AFF1: variants seen among roughly 807,000 people sequenced by gnomAD.
The protein encoded by AFF1 is ALF transcription elongation factor 1, also known as AF4/FMR2 family member 1.
AFF1 carries 48 observed loss-of-function variants against 121.7 expected under a neutral mutation model. The ratio of observed to expected loss-of-function variants is 0.39; its 90% CI spans 0.31 to 0.50. The LOEUF (loss-of-function observed/expected upper bound fraction) is 0.50. Ranked by LOEUF, AFF1 falls within the 20% of genes least tolerant of loss-of-function variation. AFF1 has a pLI of 0.76. For missense variants in AFF1, 1,523 were observed against 1,511.7 expected (o/e 1.01, Z -0.12); for synonymous variants, 613 against 563.0 (o/e 1.09, Z -1.26).
chr4:87,007,519 A>G (rs1463014311), intron 2 of AFF1: 4 of 1,530,000 alleles, frequency 2.6e-6, no homozygotes, highest in Non-Finnish European at 3.6e-6. Context: ...GGAGACGGAC[A>G]GGAAGCAGCT....
intron 1 of AFF1, among the ~76,000 whole-genome samples, chr4:86,940,744 A>G (rs1436369784): frequency 1.3e-5 from 2 of 152,098 alleles, no homozygotes; most frequent in Non-Finnish European, 2.9e-5. Flanking sequence ...TGCTCTTCAC[A>G]GGGAGATTTT....
chr4:87,036,140 A>G (rs753218418), intron 2 of AFF1, among the ~76,000 whole-genome samples: 1 of 152,174 alleles, frequency 6.6e-6, no homozygotes, highest in Non-Finnish European at 1.5e-5. Flanking sequence ...GGCCTTTACA[A>G]CTAAAGGGGA....
At chr4:86,982,875 A>AAAAAAAC (rs1723883637) in intron 2 of AFF1, among the ~76,000 whole-genome samples, 1 of 137,228 alleles carries the variant, frequency 7.3e-6, no homozygotes, top group African/African-American at 2.7e-5. Flanking sequence ...AAAAAAAAAA[A>AAAAAAAC]GGAAGCTTGT....
At chr4:87,087,982 T>C (rs1723906048) in intron 5 of AFF1, among the ~76,000 whole-genome samples, 1 of 152,268 alleles carries the variant, frequency 6.6e-6, no homozygotes, top group Non-Finnish European at 1.5e-5. Flanking sequence ...AACTGGACTT[T>C]TAATTAAAAG....
chr4:87,006,953 C>T, intron 2 of AFF1: 1 of 1,031,720 alleles, frequency 9.7e-7, no homozygotes, highest in African/African-American at 1.7e-5. Context: ...CAGGGGGTAT[C>T]CCGGCGGACT....
intron 4 of AFF1, among the ~76,000 whole-genome samples, chr4:87,054,482 A>G (rs926526880): frequency 6.6e-6 from 1 of 152,234 alleles, no homozygotes; most frequent in Non-Finnish European, 1.5e-5. Flanking sequence ...ATAAGGTAGA[A>G]GATTATGACA....
At chr4:86,998,111 A>AAAAAAAC (rs1725370944) in intron 2 of AFF1, among the ~76,000 whole-genome samples, 2 of 138,116 alleles carry the variant, frequency 1.4e-5, no homozygotes, top group South Asian at 2.1e-4. Flanking sequence ...AAAAAAAAAA[A>AAAAAAAC]AAAAAAAAAA....
chr4:87,127,003 G>A (rs777795332), intron 14 of AFF1, 23 bp from the exon 15 acceptor site: 25 of 1,594,196 alleles, frequency 1.6e-5, no homozygotes, highest in East Asian at 9.0e-5. Context: ...AGTGTAATCT[G>A]TATATTGATT....
At position 86,951,615 on chromosome 4, in the gene AFF1, C is replaced by CTTTTTTTTTTTTTTTTTTTTTTTTTTT. The variant is rs748093135; in HGVS notation, c.38+3051_38+3052insTTTTTTTTTTTTTTTTTTTTTTTTTTT. Among the ~76,000 whole-genome samples, 3 of 124,944 alleles carry CTTTTTTTTTTTTTTTTTTTTTTTTTTT rather than the reference C, an allele frequency of 2.4e-5. 1 individual carries two copies. The highest frequency in any genetic ancestry group is 1.7e-4 in the Admixed American group (2 of 11,592). The allele number at this position is 124,944 out of a possible 152,430, so 82.0% of individuals were successfully genotyped here. On this transcript the variant is annotated intron_variant, in intron 2 of 20. Transcript: ENST00000395146. ...GAACTTTTTTTTCTTTTTCTTTTTT[C>CTTTTTTTTTTTTTTTTTTTTTTTTTTT]TTTTTTTCTTTTTTTTTTTTTTTTT...
intron 2 of AFF1, among the ~76,000 whole-genome samples, chr4:87,043,824 TC>T (rs1730395251): frequency 1.0e-5 from 1 of 95,410 alleles, no homozygotes; most frequent in African/African-American, 1.1e-4. Flanking sequence ...TTTCTTTCTT[TC>T]TTTTTTTTTT....
intron 7 of AFF1, among the ~76,000 whole-genome samples, chr4:87,092,911 G>A (rs1267399889): frequency 6.6e-6 from 1 of 152,082 alleles, no homozygotes; most frequent in African/African-American, 2.4e-5. Flanking sequence ...AGGTCTGAAG[G>A]CAGAACACCA....
At chr4:87,100,677 T>C (rs1578249530) in intron 8 of AFF1, among the ~76,000 whole-genome samples, 1 of 152,308 alleles carries the variant, frequency 6.6e-6, no homozygotes, top group East Asian at 1.9e-4. Flanking sequence ...GCCTGGCACA[T>C]AGTAAGTGCT....
chr4:86,956,328 G>GA (rs1424774530), intron 2 of AFF1, among the ~76,000 whole-genome samples: 2 of 152,152 alleles, frequency 1.3e-5, no homozygotes, highest in African/African-American at 4.8e-5. Context: ...GAGAACTGAG[G>GA]AAATATTTTT....
intron 8 of AFF1, among the ~76,000 whole-genome samples, chr4:87,105,114 T>C (rs1319132760): frequency 1.3e-5 from 2 of 152,246 alleles, no homozygotes; most frequent in Admixed American, 6.5e-5. Flanking sequence ...TGTTGAACTT[T>C]TTATGTGCCT....
chr4:86,998,292 C>A (rs772471490), intron 2 of AFF1, among the ~76,000 whole-genome samples: 1 of 152,026 alleles, frequency 6.6e-6, no homozygotes, highest in Admixed American at 6.6e-5. Context: ...TGGAGACATG[C>A]AAACAAGCTA....
Position 87,115,219 on chromosome 4 carries a change from A to G in AFF1, c.2386A>G (p.Lys796Glu). ...GAGCCGCCAGAGGAAAGCAGAAGATAAACAGCCGCCCGCAGGGAAGAAGCA... is the reference window on the plus strand; with the variant it reads ...GAGCCGCCAGAGGAAAGCAGAAGATGAACAGCCGCCCGCAGGGAAGAAGCA... ...KGSRQRKAED[K>E]QPPAGKKHSS... The change falls in exon 12 of 21, where the codon AAA (lysine) becomes GAA (glutamate). Residue 796 changes from lysine to glutamate, a missense_variant. Lys to Glu is a moderately conservative substitution (Grantham distance 56, BLOSUM62 1). This residue lies in a region of AFF1 where 905 missense variants were observed against 842.5 expected (regional missense o/e 1.07). Transcript: ENST00000395146. The G allele has an allele frequency of 3.1e-6, 5 of 1,614,208 alleles. No homozygotes were observed. Among genetic ancestry groups the G allele is most frequent in the Non-Finnish European group, 4.2e-6 (5 of 1,180,044 alleles).
chr4:87,039,854 G>A (rs1305748383), intron 2 of AFF1, among the ~76,000 whole-genome samples: 1 of 152,108 alleles, frequency 6.6e-6, no homozygotes, highest in Non-Finnish European at 1.5e-5. Context: ...CTTCCCAGGG[G>A]CACATCAGAG....
chr4:87,036,563 G>C (rs78277892), intron 2 of AFF1, among the ~76,000 whole-genome samples: 6,415 of 152,164 alleles, frequency 0.042, 434 homozygotes, highest in African/African-American at 0.15. Flanking sequence ...CCTCTGTCAT[G>C]CTACTTTTCT....
chr4:87,006,990 C>A, intron 2 of AFF1: 1 of 1,075,796 alleles, frequency 9.3e-7, no homozygotes, highest in Non-Finnish European at 1.1e-6. Context: ...AGCCCAGAGG[C>A]AATTTCTTTT....
Sources: gnomAD v4.1 joint callset for allele counts (sites outside exome capture counted in the v4.1 genomes callset) on GRCh38, gnomAD v4.1.1 for gene constraint, gnomAD v4.1.1 regional missense constraint, MANE v1.5 for transcripts, NCBI Gene and HGNC (gene_info 2026-07-23, HGNC 2026-07-21) for gene names.